ASCC3: variants seen among roughly 807,000 people sequenced by gnomAD.
ASCC3 encodes ASC-1 complex subunit P200.
In ASCC3, 158 loss-of-function variants were observed where a neutral mutation model predicts 256.3. That is an observed-to-expected ratio of 0.62 (90% CI 0.54 to 0.70). The LOEUF (loss-of-function observed/expected upper bound fraction) is 0.70. ASCC3 is among the 30% of genes least tolerant of loss of function. The pLI is 0.00. For synonymous variants in ASCC3, 948 were observed against 883.4 expected, an observed-to-expected ratio of 1.07 and a Z score of -1.30; for missense variants, 2,259 against 2,626.0, an observed-to-expected ratio of 0.86 and a Z score of 3.05.
chr6:100,556,990 C>T lies in ASCC3; in HGVS notation c.5551-16603G>A, dbSNP rs376375349. On this transcript the variant is annotated intron_variant, in intron 36 of 41. Transcript: ENST00000369162. Reference sequence around the variant, plus strand: ...GAAGTATTAAAGACTGTGAATGCAGCTCACATAGAACAATGGTAGGACTCC... The same window carrying T: ...GAAGTATTAAAGACTGTGAATGCAGTTCACATAGAACAATGGTAGGACTCC... 1.2e-3 allele frequency among the ~76,000 whole-genome samples: 177 copies of T among 152,220 alleles called. 4 individuals are homozygous for T. The East Asian group carries it at 0.031, about 27-fold the overall frequency.
In ASCC3 at chr6:100,636,127, G is replaced by C. The variant is rs1774831580; in HGVS notation, c.4122+2474C>G. Among the ~76,000 whole-genome samples, 3 of 152,154 alleles carry C rather than the reference G, an allele frequency of 2.0e-5. No homozygotes were observed. In the South Asian group the frequency reaches 6.2e-4, roughly 31 times the overall value. Reference sequence around the variant, plus strand: ...ATAGCTCATTTTACTGCACTTTGCGGATATTGTTTTTTTACAAATTGGAGG... The same window carrying C: ...ATAGCTCATTTTACTGCACTTTGCGCATATTGTTTTTTTACAAATTGGAGG... On this transcript the variant is annotated intron_variant, in intron 25 of 41. Coordinates refer to ENST00000369162, the MANE Select transcript of ASCC3 (RefSeq NM_006828.4).
chr6:100,680,439 C>T (rs1178270303), intron 13 of ASCC3, among the ~76,000 whole-genome samples: 1 of 152,146 alleles, frequency 6.6e-6, no homozygotes, highest in East Asian at 1.9e-4. Flanking sequence ...GCCTTTGCTC[C>T]CTGTCAGTAC....
intron 10 of ASCC3, among the ~76,000 whole-genome samples, chr6:100,734,066 A>G (rs1780029923): frequency 6.6e-6 from 1 of 152,160 alleles, no homozygotes; most frequent in Non-Finnish European, 1.5e-5. Context: ...CCCCAGAGAA[A>G]TAATTCTCAT....
intron 36 of ASCC3, among the ~76,000 whole-genome samples, chr6:100,581,670 C>T (rs1249537010): frequency 1.3e-5 from 2 of 152,082 alleles, no homozygotes; most frequent in East Asian, 3.9e-4. Context: ...TGGCTATGTC[C>T]TGAATGGTAA....
Position 100,848,149 on chromosome 6 carries a change from T to C in ASCC3, c.800A>G (p.Glu267Gly). The C allele has an allele frequency of 6.3e-7, 1 of 1,585,266 alleles. No individual in the cohort carries two copies. The highest frequency in any genetic ancestry group is 8.6e-7 in the Non-Finnish European group (1 of 1,169,344). Residue 267 changes from glutamate (E) to glycine (G), a missense_variant and splice_region_variant, in exon 4 of 42, where the codon GAG becomes GGG. Coordinates refer to ENST00000369162, the MANE Select transcript of ASCC3 (RefSeq NM_006828.4). Reference protein sequence around the residue: ...SIKSGDELQDELFELLGPEGL... With the variant: ...SIKSGDELQDGLFELLGPEGL... Reference sequence around the variant, plus strand: ...AAAAATAAATCATTTCAACTATACCTCATCCTGAAGTTCATCACCACTTTT... The same window carrying C: ...AAAAATAAATCATTTCAACTATACCCCATCCTGAAGTTCATCACCACTTTT...
Position 100,671,311 on chromosome 6 carries a change from C to A in ASCC3, c.2286+8307G>T, listed in dbSNP as rs117862334. On this transcript the variant is annotated intron_variant, in intron 14 of 41. Transcript: ENST00000369162. Reference sequence around the variant, plus strand: ...CAGAAAAATCACTGCTTTTTCTACTCGGTTCTCCAAAGCTAGCACTACACG... The same window carrying A: ...CAGAAAAATCACTGCTTTTTCTACTAGGTTCTCCAAAGCTAGCACTACACG... 1.5e-3 allele frequency among the ~76,000 whole-genome samples: 225 copies of A among 152,104 alleles called. 2 individuals are homozygous for A. The highest frequency in any genetic ancestry group is 2.3e-3 in the Non-Finnish European group (154 of 67,924).
chr6:100,799,572 T>C lies in ASCC3; in HGVS notation c.1128A>G (p.Arg376=). 6.2e-7 allele frequency: 1 copy of C among 1,611,656 alleles called. No homozygotes were observed. Among genetic ancestry groups the C allele is most frequent in the South Asian group, 1.1e-5 (1 of 91,022 alleles). ...CFDPKELRIQ[R]EQALLNARSV... ...TTCTAGCATTCAGAAGTGCCTGTTC[T>C]CTGTAAACATAAAAATAGGCCTAAT... The change falls in exon 7 of 42, where the codon AGA becomes AGG. Residue 376 remains arginine (R), a splice_region_variant and synonymous_variant. Coordinates refer to ENST00000369162, the MANE Select transcript of ASCC3 (RefSeq NM_006828.4).
chr6:100,678,845 T>A (rs1377590723), intron 14 of ASCC3, among the ~76,000 whole-genome samples: 1 of 152,230 alleles, frequency 6.6e-6, no homozygotes, highest in Non-Finnish European at 1.5e-5. Context: ...GAAACTGGTA[T>A]GTTTATGTTC....
chr6:100,792,712 C>A (rs1453473169), intron 8 of ASCC3, among the ~76,000 whole-genome samples: 1 of 151,880 alleles, frequency 6.6e-6, no homozygotes, highest in African/African-American at 2.4e-5. Context: ...ATAGTTTCCT[C>A]CAATGTTGTT....
intron 13 of ASCC3, among the ~76,000 whole-genome samples, chr6:100,702,180 G>GT: frequency 1.3e-5 from 2 of 152,246 alleles, no homozygotes; most frequent in East Asian, 3.9e-4. Context: ...AGACATGATG[G>GT]TTGCTTGGCT....
chr6:100,509,630 G>T (rs1773654943), intron 41 of ASCC3, 97 bp from the exon 42 acceptor site: 1 of 1,222,722 alleles, frequency 8.2e-7, no homozygotes, highest in Non-Finnish European at 1.2e-6. Flanking sequence ...GCTGGGTGCG[G>T]TGGCTCACGC....
Position 100,606,756 on chromosome 6 carries a change from C to T in ASCC3, c.5028G>A (p.Val1676=), listed in dbSNP as rs1281873057. The T allele has an allele frequency of 1.9e-6, 3 of 1,602,258 alleles. No homozygotes were observed. Among genetic ancestry groups the T allele is most frequent in the Admixed American group, 3.4e-5 (2 of 58,470 alleles). ...EYYDGKTRRY[V]DFPITDVLQM... is the part of the protein sequence containing the mutation. ...GAAAATTACCTGTAATGGGAAAATCCACATAACGTCTTGTTTTTCCATCAT... is the reference window on the plus strand; with the variant it reads ...GAAAATTACCTGTAATGGGAAAATCTACATAACGTCTTGTTTTTCCATCAT... Residue 1676 remains valine (V), a synonymous_variant, in exon 32 of 42, where the codon GTG becomes GTA. Transcript: ENST00000369162.
Position 100,652,811 on chromosome 6 carries a change from G to GA in ASCC3, c.2901dup (p.Arg968SerfsTer3). ...AAATATCCAGTTCGCTCCTCAAAAC[G>GA]AATCATCTGAGCTTTGTCTAGTTTT... On this transcript the variant is annotated frameshift_variant, in exon 18 of 42. Coordinates refer to ENST00000369162, the MANE Select transcript of ASCC3 (RefSeq NM_006828.4). LOFTEE classifies it high-confidence loss of function. The GA allele has an allele frequency of 1.2e-6, 2 of 1,613,794 alleles. No homozygotes were observed. The highest frequency in any genetic ancestry group is 1.7e-6 in the Non-Finnish European group (2 of 1,179,878).
At chr6:100,558,558 G>C (rs1769750147) in intron 36 of ASCC3, among the ~76,000 whole-genome samples, 1 of 152,106 alleles carries the variant, frequency 6.6e-6, no homozygotes, top group African/African-American at 2.4e-5. Flanking sequence ...GATGGAACAT[G>C]TAAAATAAAG....
At chr6:100,581,030 C>T (rs1401366127) in intron 36 of ASCC3, among the ~76,000 whole-genome samples, 13 of 152,106 alleles carry the variant, frequency 8.5e-5, no homozygotes, top group Middle Eastern at 3.4e-3. Flanking sequence ...CGAATAGTGC[C>T]GCAATAAACA....
intron 37 of ASCC3, chr6:100,530,888 A>C: frequency 1.6e-6 from 2 of 1,286,652 alleles, no homozygotes; most frequent in Non-Finnish European, 2.3e-6. Context: ...GGAACATCAC[A>C]AACAATCAAT....
At chr6:100,816,918 A>G (rs937589176) in intron 4 of ASCC3, among the ~76,000 whole-genome samples, 2 of 151,292 alleles carry the variant, frequency 1.3e-5, no homozygotes, top group Non-Finnish European at 2.9e-5. Flanking sequence ...AAGTTAAGAA[A>G]TATAAAAAAA....
intron 10 of ASCC3, among the ~76,000 whole-genome samples, chr6:100,747,856 C>G (rs931054012): frequency 2.0e-5 from 3 of 151,850 alleles, no homozygotes; most frequent in Non-Finnish European, 2.9e-5. Flanking sequence ...CTCAATAAAG[C>G]TGATATAAAA....
At chr6:100,627,461 A>G in intron 29 of ASCC3, 129 bp downstream of exon 29, 7 of 1,231,390 alleles carry the variant, frequency 5.7e-6, no homozygotes, top group Non-Finnish European at 7.0e-6. Flanking sequence ...CAGTTGAGAC[A>G]AACAGTTTTA....
Sources: allele counts gnomAD v4.1 joint callset (sites outside exome capture counted in the v4.1 genomes callset), GRCh38; gene constraint gnomAD v4.1.1; transcripts MANE v1.5; gene names NCBI Gene and HGNC (gene_info 2026-07-23, HGNC 2026-07-21).